The following MARCHF1 variants were observed in gnomAD, a reference collection of about 807,000 sequenced individuals.
MARCHF1 encodes the protein E3 ubiquitin-protein ligase MARCHF1.
MARCHF1 carries 40 observed loss-of-function variants against 54.2 expected under a neutral mutation model. That is an observed-to-expected ratio of 0.74 (90% CI 0.57 to 0.96). The LOEUF (loss-of-function observed/expected upper bound fraction) is 0.96. Among genes scored for constraint, MARCHF1 ranks in the 40% least tolerant of loss-of-function variants. The pLI, the probability that MARCHF1 is intolerant of heterozygous loss-of-function variation, is 0.00. For missense variants in MARCHF1, 586 were observed against 656.5 expected, an observed-to-expected ratio of 0.89 and a Z score of 1.17; for synonymous variants, 236 against 236.3, an observed-to-expected ratio of 1.00 and a Z score of 0.01.
intron 1 of MARCHF1, among the ~76,000 whole-genome samples, chr4:164,262,860 A>G (rs1478075303): frequency 1.3e-5 from 2 of 152,218 alleles, no homozygotes; most frequent in African/African-American, 4.8e-5. Flanking sequence ...AGGATATATT[A>G]TGAGTGATTG....
chr4:164,024,686 T>A (rs1411057063), intron 2 of MARCHF1, among the ~76,000 whole-genome samples: 1 of 152,046 alleles, frequency 6.6e-6, no homozygotes, highest in East Asian at 1.9e-4. Flanking sequence ...TAATCAAGTC[T>A]ACAAAACAAC....
chr4:164,343,207 C>T (rs563405291), intron 1 of MARCHF1, among the ~76,000 whole-genome samples: 17 of 152,216 alleles, frequency 1.1e-4, no homozygotes, highest in Non-Finnish European at 2.5e-4. Context: ...TTGTGGTAAT[C>T]ATTTCACAAT....
chr4:164,370,108 C>T (rs1455337955), intron 1 of MARCHF1, among the ~76,000 whole-genome samples: 1 of 152,164 alleles, frequency 6.6e-6, no homozygotes, highest in African/African-American at 2.4e-5. Flanking sequence ...AATATATGGA[C>T]AGGAAAGCTC....
At chr4:163,861,624 C>A (rs7655861) in intron 3 of MARCHF1, among the ~76,000 whole-genome samples, 60,346 of 151,798 alleles carry the variant, frequency 0.4, 12,987 homozygotes, top group East Asian at 0.55. Flanking sequence ...GATGGGAAGA[C>A]TCAACATTGT....
intron 2 of MARCHF1, among the ~76,000 whole-genome samples, chr4:164,100,712 T>C (rs768079985): frequency 1.3e-5 from 2 of 152,156 alleles, no homozygotes; most frequent in Non-Finnish European, 2.9e-5. Context: ...CTGCTGGAGA[T>C]AGTTGATAGT....
intron 1 of MARCHF1, among the ~76,000 whole-genome samples, chr4:164,177,203 A>C (rs1730713263): frequency 6.6e-6 from 1 of 151,822 alleles, no homozygotes; most frequent in African/African-American, 2.4e-5. Context: ...CAATACTGGC[A>C]CATAGAAACG....
Position 163,857,329 on chromosome 4 carries a change from C to T in MARCHF1, c.-38-3160G>A, listed in dbSNP as rs986614022. ...AACTGAAGAATTGAAATGTTGATTG[C>T]TGAGCCTCTGTAGACCAGCCTTCTT... is the stretch of plus-strand genomic sequence containing the variant. On this transcript the variant is annotated intron_variant, in intron 3 of 9. Transcript: ENST00000514618. Among the ~76,000 whole-genome samples, 9 of 152,194 alleles carry T rather than the reference C, an allele frequency of 5.9e-5. No individual in the cohort carries two copies. The East Asian group carries it at 1.7e-3, about 29-fold the overall frequency.
intron 1 of MARCHF1, chr4:164,197,452 G>A (rs767799809): frequency 9.9e-6 from 16 of 1,613,456 alleles, no homozygotes; most frequent in Admixed American, 1.7e-5. Flanking sequence ...ATATAGATGC[G>A]TGAGGTTTGG....
chr4:164,123,522 G>T (rs1402007196), intron 1 of MARCHF1, among the ~76,000 whole-genome samples: 1 of 152,018 alleles, frequency 6.6e-6, no homozygotes, highest in East Asian at 1.9e-4. Context: ...AACAAAACTG[G>T]TTTAATCACA....
At chr4:163,714,982 TATAC>T (rs751810458) in intron 4 of MARCHF1, among the ~76,000 whole-genome samples, 6 of 152,194 alleles carry the variant, frequency 3.9e-5, no homozygotes, top group Non-Finnish European at 8.8e-5. Context: ...GCACCCAGCC[TATAC>T]ACTGTTTTAT....
intron 4 of MARCHF1, among the ~76,000 whole-genome samples, chr4:163,728,633 A>G (rs1026354062): frequency 1.3e-5 from 2 of 152,166 alleles, no homozygotes; most frequent in African/African-American, 4.8e-5. Context: ...TAATTGACTT[A>G]TATATATTAA....
At chr4:163,781,906 T>A (rs1747476540) in intron 4 of MARCHF1, among the ~76,000 whole-genome samples, 1 of 152,192 alleles carries the variant, frequency 6.6e-6, no homozygotes, top group African/African-American at 2.4e-5. Context: ...AGTATTATCA[T>A]TAATCTAAGA....
chr4:164,183,295 T>C (rs1579602414), intron 1 of MARCHF1, among the ~76,000 whole-genome samples: 2 of 152,306 alleles, frequency 1.3e-5, no homozygotes, highest in East Asian at 3.9e-4. Flanking sequence ...TCTTTTAACT[T>C]TCCCAATGTA....
chr4:164,378,115 G>GA (rs551461667), intron 1 of MARCHF1, among the ~76,000 whole-genome samples: 39 of 152,348 alleles, frequency 2.6e-4, no homozygotes, highest in African/African-American at 9.4e-4. Context: ...ATTACAGATG[G>GA]AAGAAGTACC....
intron 1 of MARCHF1, among the ~76,000 whole-genome samples, chr4:164,198,300 G>T (rs186977151): frequency 5.3e-5 from 8 of 152,284 alleles, no homozygotes; most frequent in Admixed American, 1.3e-4. Context: ...GGTTGTATCT[G>T]TTCTGTCAGA....
chr4:163,582,766 T>TATA (rs1333426104), intron 8 of MARCHF1, among the ~76,000 whole-genome samples: 11 of 91,438 alleles, frequency 1.2e-4, no homozygotes, highest in African/African-American at 9.4e-4. Flanking sequence ...GTTTAAAAAC[T>TATA]ACAAAAAAAA....
chr4:163,720,438 G>A (rs991408214), intron 4 of MARCHF1, among the ~76,000 whole-genome samples: 16 of 152,322 alleles, frequency 1.1e-4, no homozygotes, highest in South Asian at 8.3e-4. Context: ...TAGCCTTGTA[G>A]TATAGTTTGA....
chr4:163,558,157 T>A (rs1206269659), intron 8 of MARCHF1, among the ~76,000 whole-genome samples: 1 of 151,708 alleles, frequency 6.6e-6, no homozygotes, highest in Non-Finnish European at 1.5e-5. Flanking sequence ...GGGGGAAGAG[T>A]GGGCAGGACC....
At chr4:163,550,762 T>G (rs538950748) in intron 8 of MARCHF1, among the ~76,000 whole-genome samples, 1 of 152,308 alleles carries the variant, frequency 6.6e-6, no homozygotes, top group South Asian at 2.1e-4. Flanking sequence ...TACAAATCCT[T>G]GGACTTGCTA....
Sources: allele counts gnomAD v4.1 joint callset (sites outside exome capture counted in the v4.1 genomes callset), GRCh38; gene constraint gnomAD v4.1.1; transcripts MANE v1.5; gene names NCBI Gene and HGNC (gene_info 2026-07-23, HGNC 2026-07-21).